LCLAT1: variants seen among roughly 807,000 people sequenced by gnomAD.
LCLAT1 encodes the protein 1-AGP acyltransferase 8.
Under a neutral mutation model 30.7 loss-of-function variants are expected in LCLAT1, and 11 were observed. That is an observed-to-expected ratio of 0.36 (90% confidence interval 0.23 to 0.59). The LOEUF (loss-of-function observed/expected upper bound fraction) is 0.59, where lower values mean the gene tolerates loss of function less well. LCLAT1 is among the 20% of genes least tolerant of loss of function. The pLI is 0.77. For missense variants in LCLAT1, 402 were observed against 458.6 expected, an observed-to-expected ratio of 0.88 and a Z score of 1.13; for synonymous variants, 155 against 151.3, an observed-to-expected ratio of 1.02 and a Z score of -0.18.
intron 5 of LCLAT1, chr2:30,607,924 A>T (rs78362736): frequency 0.04 from 6,514 of 162,500 alleles, 462 homozygotes; most frequent in African/African-American, 0.15. Flanking sequence ...AGTTTTTTTT[A>T]AAAAAGTTTT....
chr2:30,623,284 G>C (rs1668355054), intron 5 of LCLAT1, among the ~76,000 whole-genome samples: 1 of 152,058 alleles, frequency 6.6e-6, no homozygotes, highest in African/African-American at 2.4e-5. Context: ...TCGATCTCCT[G>C]ACCTTGTGAT....
intron 3 of LCLAT1, among the ~76,000 whole-genome samples, chr2:30,547,461 T>C (rs1206459763): frequency 2.0e-5 from 3 of 152,160 alleles, no homozygotes; most frequent in African/African-American, 7.2e-5. Context: ...TGACAGAGAA[T>C]GAAAATACCA....
chr2:30,588,636 G>A (rs1666548545), intron 5 of LCLAT1, among the ~76,000 whole-genome samples: 1 of 152,030 alleles, frequency 6.6e-6, no homozygotes, highest in South Asian at 2.1e-4. Context: ...GCCCAGGCTG[G>A]AGTACAGCCA....
chr2:30,639,548 C>G (rs1669202166), intron 5 of LCLAT1, among the ~76,000 whole-genome samples: 1 of 152,162 alleles, frequency 6.6e-6, no homozygotes, highest in Non-Finnish European at 1.5e-5. Context: ...CTCACCTCAT[C>G]CTCCCGAGTA....
At chr2:30,635,871 T>C (rs936220820) in intron 5 of LCLAT1, among the ~76,000 whole-genome samples, 11 of 152,236 alleles carry the variant, frequency 7.2e-5, no homozygotes, top group Admixed American at 1.3e-4. Context: ...TAGCAGACTA[T>C]ACAAATATTG....
intron 5 of LCLAT1, among the ~76,000 whole-genome samples, chr2:30,637,974 T>TA (rs1174080034): frequency 1.4e-4 from 21 of 152,296 alleles, no homozygotes; most frequent in African/African-American, 5.1e-4. Context: ...CATTTGCACT[T>TA]CCTCTACCCC....
intron 5 of LCLAT1, among the ~76,000 whole-genome samples, chr2:30,592,916 C>T (rs531202159): frequency 6.6e-6 from 1 of 152,308 alleles, no homozygotes; most frequent in South Asian, 2.1e-4. Flanking sequence ...TATCTTTTCA[C>T]ATTAGAAACA....
At chr2:30,541,187 C>G (rs1664120217) in intron 3 of LCLAT1, among the ~76,000 whole-genome samples, 1 of 151,990 alleles carries the variant, frequency 6.6e-6, no homozygotes, top group South Asian at 2.1e-4. Flanking sequence ...TTTACATCAT[C>G]TGGATTTTAT....
At chr2:30,603,835 T>C (rs1281516961) in intron 5 of LCLAT1, among the ~76,000 whole-genome samples, 1 of 152,054 alleles carries the variant, frequency 6.6e-6, no homozygotes, top group Non-Finnish European at 1.5e-5. Flanking sequence ...TCTGACATAT[T>C]TGAATGTATG....
At chr2:30,557,054 TATA>T (rs1664954770) in intron 3 of LCLAT1, among the ~76,000 whole-genome samples, 1 of 152,144 alleles carries the variant, frequency 6.6e-6, no homozygotes, top group Non-Finnish European at 1.5e-5. Context: ...TAGAAACTCT[TATA>T]ATAATGTGAC....
chr2:30,629,042 C>A (rs972350842), intron 5 of LCLAT1, among the ~76,000 whole-genome samples: 9 of 152,068 alleles, frequency 5.9e-5, no homozygotes, highest in Admixed American at 5.9e-4. Flanking sequence ...AGACAAACAA[C>A]TTATAGAAAA....
intron 1 of LCLAT1, among the ~76,000 whole-genome samples, chr2:30,470,811 T>G (rs774856039): frequency 6.6e-6 from 1 of 152,222 alleles, no homozygotes; most frequent in Non-Finnish European, 1.5e-5. Flanking sequence ...TTATTGGAAT[T>G]TTGATAGAGA....
intron 1 of LCLAT1, among the ~76,000 whole-genome samples, chr2:30,480,226 T>A (rs1683252025): frequency 6.6e-6 from 1 of 152,234 alleles, no homozygotes; most frequent in Non-Finnish European, 1.5e-5. Context: ...TTTTTTCTTT[T>A]TTCCAGACAG....
At chr2:30,489,649 C>G (rs1441879348) in intron 1 of LCLAT1, among the ~76,000 whole-genome samples, 1 of 152,164 alleles carries the variant, frequency 6.6e-6, no homozygotes, top group East Asian at 1.9e-4. Context: ...CCGCGCCCAG[C>G]CCACAGTTAT....
intron 5 of LCLAT1, among the ~76,000 whole-genome samples, chr2:30,574,217 A>G (rs1665901746): frequency 6.6e-6 from 1 of 152,076 alleles, no homozygotes; most frequent in Non-Finnish European, 1.5e-5. Context: ...ATAGGGGTAA[A>G]TTTTTTAAAA....
intron 5 of LCLAT1, among the ~76,000 whole-genome samples, chr2:30,634,026 G>T (rs908875416): frequency 6.6e-6 from 1 of 152,168 alleles, no homozygotes; most frequent in Non-Finnish European, 1.5e-5. Context: ...CTTCATGCTG[G>T]ATATTACATT....
At chr2:30,635,234 A>T (rs1668966898) in intron 5 of LCLAT1, among the ~76,000 whole-genome samples, 1 of 141,896 alleles carries the variant, frequency 7.0e-6, no homozygotes, top group Non-Finnish European at 1.5e-5. Context: ...CTTTATATAT[A>T]TATATACACA....
intron 1 of LCLAT1, among the ~76,000 whole-genome samples, chr2:30,513,248 G>T (rs1162464580): frequency 6.6e-6 from 1 of 151,792 alleles, no homozygotes; most frequent in Non-Finnish European, 1.5e-5. Flanking sequence ...AATTATTAAT[G>T]TGTAGTTATA....
intron 5 of LCLAT1, among the ~76,000 whole-genome samples, chr2:30,602,588 A>G (rs533663337): frequency 1.3e-5 from 2 of 152,302 alleles, no homozygotes; most frequent in South Asian, 4.1e-4. Context: ...ATCCAAAATC[A>G]TCACTTCTCT....
Sources: allele counts gnomAD v4.1 joint callset (sites outside exome capture counted in the v4.1 genomes callset), GRCh38; gene constraint gnomAD v4.1.1; transcripts MANE v1.5; gene names NCBI Gene and HGNC (gene_info 2026-07-23, HGNC 2026-07-21).